SPOCK1: variants seen among roughly 807,000 people sequenced by gnomAD.
The protein encoded by SPOCK1 is SPARC (osteonectin), cwcv and kazal like domains proteoglycan 1, also known as testican-1.
In SPOCK1, 23 loss-of-function variants were observed where a neutral mutation model predicts 55.3. That is an observed-to-expected ratio of 0.42 (90% CI 0.30 to 0.59). The LOEUF is 0.59. Among genes scored for constraint, SPOCK1 ranks in the 20% least tolerant of loss-of-function variants. The probability of loss-of-function intolerance (pLI) is 0.22; values close to 1 mark genes in which losing one functional copy is unlikely to be tolerated. For missense variants in SPOCK1, 499 were observed against 552.5 expected (o/e 0.90, Z 0.97); for synonymous variants, 226 against 221.0 (o/e 1.02, Z -0.20).
chr5:137,416,865 A>G (rs1455724294), intron 2 of SPOCK1, among the ~76,000 whole-genome samples: 1 of 152,080 alleles, frequency 6.6e-6, no homozygotes, highest in Non-Finnish European at 1.5e-5. Flanking sequence ...AATTTTGAAC[A>G]TTTTTATGTG....
chr5:137,297,405 G>A (rs1013289104), intron 2 of SPOCK1, among the ~76,000 whole-genome samples: 1 of 152,080 alleles, frequency 6.6e-6, no homozygotes, highest in African/African-American at 2.4e-5. Context: ...TGGGATTTTT[G>A]TTAAGCATGC....
chr5:137,312,483 C>G (rs1757805467), intron 2 of SPOCK1, among the ~76,000 whole-genome samples: 3 of 152,188 alleles, frequency 2.0e-5, no homozygotes, highest in Admixed American at 2.0e-4. Flanking sequence ...TGTCACCACA[C>G]TGGTGAGGAA....
intron 6 of SPOCK1, among the ~76,000 whole-genome samples, chr5:137,057,004 A>C (rs1435341301): frequency 6.6e-6 from 1 of 152,154 alleles, no homozygotes; most frequent in African/African-American, 2.4e-5. Context: ...ACTTGAAAGC[A>C]GGGCTTCCCA....
chr5:137,253,659 C>T (rs1295496386), intron 3 of SPOCK1, among the ~76,000 whole-genome samples: 1 of 152,192 alleles, frequency 6.6e-6, no homozygotes, highest in Non-Finnish European at 1.5e-5. Context: ...AGCGGTGTCT[C>T]AGTCTCCTCC....
At chr5:137,314,056 A>G (rs2127143679) in intron 2 of SPOCK1, among the ~76,000 whole-genome samples, 1 of 151,296 alleles carries the variant, frequency 6.6e-6, no homozygotes, top group Middle Eastern at 3.4e-3. Context: ...ATCTCAATTC[A>G]GTTTGGCCTC....
At chr5:137,172,393 G>A (rs1417938561) in intron 3 of SPOCK1, among the ~76,000 whole-genome samples, 1 of 152,162 alleles carries the variant, frequency 6.6e-6, no homozygotes, top group Non-Finnish European at 1.5e-5. Flanking sequence ...GATATGGTGA[G>A]CGAAAGAGTC....
At chr5:137,428,847 C>T (rs1208018096) in intron 2 of SPOCK1, among the ~76,000 whole-genome samples, 2 of 152,198 alleles carry the variant, frequency 1.3e-5, no homozygotes, top group Non-Finnish European at 2.9e-5. Flanking sequence ...CTCTCAAGCC[C>T]TTCAGCTTCT....
intron 5 of SPOCK1, among the ~76,000 whole-genome samples, chr5:137,103,654 T>C (rs553330757): frequency 1.2e-4 from 18 of 152,368 alleles, no homozygotes; most frequent in Admixed American, 8.5e-4. Context: ...AATCCCGTTA[T>C]AAGCCTCTGT....
Position 137,329,822 on chromosome 5 carries a change from T to C in SPOCK1, c.187-62767A>G, listed in dbSNP as rs75130482. 9.2e-3 allele frequency among the ~76,000 whole-genome samples: 1,403 copies of C among 152,310 alleles called. 21 individuals carry two copies. The highest frequency in any genetic ancestry group is 0.028 in the African/African-American group (1,172 of 41,556). On this transcript the variant is annotated intron_variant, in intron 2 of 10. Transcript: ENST00000394945. ...TCACTCAGCATATCACCCACAGGTC[T>C]CCTCACCTAAATGAATCTAGGTAAG...
chr5:137,274,697 G>A (rs1035889234), intron 2 of SPOCK1, among the ~76,000 whole-genome samples: 1 of 152,074 alleles, frequency 6.6e-6, no homozygotes, highest in African/African-American at 2.4e-5. Context: ...CCAAGTGAAG[G>A]GAGACCAATT....
At chr5:137,485,967 T>C (rs931213159) in intron 2 of SPOCK1, among the ~76,000 whole-genome samples, 4 of 152,208 alleles carry the variant, frequency 2.6e-5, no homozygotes, top group Admixed American at 2.0e-4. Context: ...ACATTTATAA[T>C]GTGCACCTTC....
chr5:137,156,917 T>A (rs182311799), intron 3 of SPOCK1, among the ~76,000 whole-genome samples: 1 of 152,172 alleles, frequency 6.6e-6, no homozygotes, highest in Admixed American at 6.5e-5. Context: ...CCAGCCCATA[T>A]AATGCTTTTA....
chr5:137,062,525 A>AAAT (rs71583272), intron 6 of SPOCK1, among the ~76,000 whole-genome samples: 11,716 of 143,362 alleles, frequency 0.082, 563 homozygotes, highest in Middle Eastern at 0.16. Context: ...CAAGCATTAT[A>AAAT]AATAATAATA....
At chr5:137,221,563 T>C (rs1755848630) in intron 3 of SPOCK1, among the ~76,000 whole-genome samples, 1 of 152,178 alleles carries the variant, frequency 6.6e-6, no homozygotes, top group Non-Finnish European at 1.5e-5. Context: ...ACATCTTCGA[T>C]GAGATATTTT....
At chr5:137,417,725 C>T (rs1159661356) in intron 2 of SPOCK1, among the ~76,000 whole-genome samples, 2 of 152,004 alleles carry the variant, frequency 1.3e-5, no homozygotes, top group Non-Finnish European at 2.9e-5. Context: ...AAATTTATTC[C>T]TTTCTAATTG....
intron 2 of SPOCK1, among the ~76,000 whole-genome samples, chr5:137,315,498 C>A (rs189500757): frequency 5.7e-4 from 87 of 152,308 alleles, no homozygotes; most frequent in African/African-American, 2.0e-3. Context: ...TAGCTAGGAG[C>A]AACTGAGCAC....
chr5:137,242,478 T>C (rs1353101939), intron 3 of SPOCK1, among the ~76,000 whole-genome samples: 1 of 152,240 alleles, frequency 6.6e-6, no homozygotes, highest in East Asian at 1.9e-4. Flanking sequence ...CATGTGGAAC[T>C]GTGAGTCCAT....
chr5:137,154,263 G>A (rs1754371995), intron 3 of SPOCK1, among the ~76,000 whole-genome samples: 1 of 152,166 alleles, frequency 6.6e-6, no homozygotes, highest in South Asian at 2.1e-4. Context: ...CTCCAGCCTG[G>A]GCAACAAGAG....
chr5:137,079,174 C>CTGTA (rs1161689012), intron 5 of SPOCK1, among the ~76,000 whole-genome samples: 2 of 152,220 alleles, frequency 1.3e-5, no homozygotes, highest in African/African-American at 2.4e-5. Context: ...GTCTCTTGCC[C>CTGTA]TGTACTTCAA....
Sources: gnomAD v4.1 joint callset for allele counts (sites outside exome capture counted in the v4.1 genomes callset) on GRCh38, gnomAD v4.1.1 for gene constraint, MANE v1.5 for transcripts, NCBI Gene and HGNC (gene_info 2026-07-23, HGNC 2026-07-21) for gene names.